The following DSCAM variants were observed in gnomAD, a reference collection of about 807,000 sequenced individuals.
The protein encoded by DSCAM is DS cell adhesion molecule.
A neutral mutation model predicts 217.7 loss-of-function variants in DSCAM; 47 were observed. The ratio of observed to expected loss-of-function variants is 0.22; its 90% CI spans 0.17 to 0.28. The LOEUF (loss-of-function observed/expected upper bound fraction) is 0.28, where lower values mean the gene tolerates loss of function less well. Among genes scored for constraint, DSCAM ranks in the 10% least tolerant of loss-of-function variants. The probability of loss-of-function intolerance (pLI) is 1.00; values close to 1 mark genes in which losing one functional copy is unlikely to be tolerated. For synonymous variants in DSCAM, 1,056 were observed against 1,015.3 expected (o/e 1.04, Z -0.76); for missense variants, 2,080 against 2,618.3 (o/e 0.79, Z 4.49).
chr21:40,125,576 A>G (rs574397799), intron 19 of DSCAM, among the ~76,000 whole-genome samples: 1 of 152,362 alleles, frequency 6.6e-6, no homozygotes, highest in Admixed American at 6.5e-5. Flanking sequence ...GACTCTTCTA[A>G]GTCTGCATAA....
intron 11 of DSCAM, among the ~76,000 whole-genome samples, chr21:40,221,518 C>A (rs2091289291): frequency 6.7e-6 from 1 of 149,720 alleles, no homozygotes; most frequent in Admixed American, 6.7e-5. Flanking sequence ...AAATAGTAAT[C>A]ATAAGATTGT....
chr21:40,620,913 C>T (rs575331933), intron 3 of DSCAM, among the ~76,000 whole-genome samples: 3 of 152,192 alleles, frequency 2.0e-5, no homozygotes, highest in Non-Finnish European at 4.4e-5. Flanking sequence ...TACGACTCAG[C>T]GTGCACTGAT....
At chr21:40,478,397 CT>C (rs1221306713) in intron 3 of DSCAM, among the ~76,000 whole-genome samples, 1 of 152,102 alleles carries the variant, frequency 6.6e-6, no homozygotes, top group Non-Finnish European at 1.5e-5. Flanking sequence ...AGTGGAATGG[CT>C]TTGCCATAGG....
intron 11 of DSCAM, among the ~76,000 whole-genome samples, chr21:40,204,013 C>T (rs1213225952): frequency 6.6e-6 from 1 of 152,084 alleles, no homozygotes; most frequent in African/African-American, 2.4e-5. Context: ...CATCATATCA[C>T]GTAGAATATT....
intron 6 of DSCAM, 81 bp downstream of exon 6, chr21:40,347,589 G>T: frequency 6.3e-7 from 1 of 1,577,294 alleles, no homozygotes; most frequent in South Asian, 1.2e-5. Flanking sequence ...GATCAGCACT[G>T]CTTCACCCTG....
At chr21:40,469,959 T>C (rs1015000791) in intron 3 of DSCAM, among the ~76,000 whole-genome samples, 2 of 152,228 alleles carry the variant, frequency 1.3e-5, no homozygotes, top group Admixed American at 6.5e-5. Flanking sequence ...TGTAATCCCA[T>C]ATATTTTCAC....
intron 20 of DSCAM, among the ~76,000 whole-genome samples, chr21:40,108,175 G>C (rs558725629): frequency 5.8e-4 from 88 of 152,114 alleles, no homozygotes; most frequent in Admixed American, 4.0e-3. Flanking sequence ...AATCAGGCAA[G>C]AGAAAGAAAT....
At chr21:40,724,813 G>A (rs894420602) in intron 1 of DSCAM, among the ~76,000 whole-genome samples, 2 of 152,154 alleles carry the variant, frequency 1.3e-5, no homozygotes, top group Non-Finnish European at 2.9e-5. Flanking sequence ...ACACTGTTGA[G>A]CATTATTTTC....
At position 40,299,856 on chromosome 21, in the gene DSCAM, G is replaced by A. The variant is rs535044291; in HGVS notation, c.2063-3682C>T. ...TTTTTTAAAGAAACTATTAATATTC[G>A]ACCTAGATACTTTTTTTCTACAAAA... is the stretch of plus-strand genomic sequence containing the variant. On this transcript the variant is annotated intron_variant, in intron 9 of 32. Transcript: ENST00000400454. Among the ~76,000 whole-genome samples the A allele has an allele frequency of 3.9e-5, 6 of 151,924 alleles. No individual in the cohort carries two copies. The East Asian group carries it at 1.2e-3, about 29-fold the overall frequency.
chr21:40,510,214 G>T (rs141320616), intron 3 of DSCAM, among the ~76,000 whole-genome samples: 61 of 151,918 alleles, frequency 4.0e-4, no homozygotes, highest in African/African-American at 1.4e-3. Context: ...AGTATAGCCA[G>T]GTCCAATATA....
chr21:40,519,039 T>C (rs931734621), intron 3 of DSCAM, among the ~76,000 whole-genome samples: 2 of 152,156 alleles, frequency 1.3e-5, no homozygotes, highest in Admixed American at 1.3e-4. Context: ...TACAATAAAA[T>C]GCGGTATTAT....
At chr21:40,243,438 A>C (rs2073180224) in intron 11 of DSCAM, among the ~76,000 whole-genome samples, 1 of 152,224 alleles carries the variant, frequency 6.6e-6, no homozygotes, top group African/African-American at 2.4e-5. Context: ...AGAAATGAGC[A>C]CTTTTAACAA....
intron 10 of DSCAM, among the ~76,000 whole-genome samples, chr21:40,288,049 G>C (rs768884742): frequency 6.6e-6 from 1 of 152,186 alleles, no homozygotes; most frequent in African/African-American, 2.4e-5. Context: ...GGGGAAAATA[G>C]AAACTCCTCT....
chr21:40,729,773 T>C (rs910631325), intron 1 of DSCAM, among the ~76,000 whole-genome samples: 2 of 152,172 alleles, frequency 1.3e-5, no homozygotes, highest in African/African-American at 2.4e-5. Context: ...ATTTTTAGAG[T>C]GGCTTCCTCC....
At chr21:40,028,640 G>T (rs1029888727) in intron 32 of DSCAM, among the ~76,000 whole-genome samples, 14 of 152,174 alleles carry the variant, frequency 9.2e-5, no homozygotes, top group African/African-American at 3.4e-4. Context: ...CCCTTTCTTT[G>T]ACTAGGAAAG....
chr21:40,360,684 T>C (rs892934946), intron 4 of DSCAM, among the ~76,000 whole-genome samples: 1 of 152,232 alleles, frequency 6.6e-6, no homozygotes, highest in Admixed American at 6.5e-5. Context: ...ATGGTGTATA[T>C]GTACCACATT....
intron 3 of DSCAM, among the ~76,000 whole-genome samples, chr21:40,489,602 G>A (rs997663460): frequency 2.0e-5 from 3 of 151,430 alleles, no homozygotes; most frequent in African/African-American, 4.8e-5. Context: ...GTGAAACCCC[G>A]TCTCTACTAA....
chr21:40,598,614 C>T (rs1383297411), intron 3 of DSCAM, among the ~76,000 whole-genome samples: 1 of 147,096 alleles, frequency 6.8e-6, no homozygotes, highest in African/African-American at 2.5e-5. Flanking sequence ...AAGTGATTCT[C>T]CTGCCTCAGC....
chr21:40,552,282 C>A (rs1323964500), intron 3 of DSCAM, among the ~76,000 whole-genome samples: 1 of 151,564 alleles, frequency 6.6e-6, no homozygotes, highest in Non-Finnish European at 1.5e-5. Flanking sequence ...CCACTATACT[C>A]CAGCTTGGGC....
Sources: gnomAD v4.1 joint callset for allele counts (sites outside exome capture counted in the v4.1 genomes callset) on GRCh38, gnomAD v4.1.1 for gene constraint, MANE v1.5 for transcripts, NCBI Gene and HGNC (gene_info 2026-07-23, HGNC 2026-07-21) for gene names.